CSMD1: variants seen among roughly 807,000 people sequenced by gnomAD.
The protein encoded by CSMD1 is CUB and sushi domain-containing protein 1.
CSMD1 carries 213 observed loss-of-function variants against 417.5 expected under a neutral mutation model. That is an observed-to-expected ratio of 0.51 (90% CI 0.46 to 0.57). The LOEUF is 0.57. CSMD1 is among the 20% of genes least tolerant of loss of function. CSMD1 has a pLI of 0.00. For synonymous variants in CSMD1, 2,862 were observed against 1,736.8 expected (o/e 1.65, Z -16.11); for missense variants, 6,923 against 4,529.7 (o/e 1.53, Z -15.17).
chr8:4,808,036 C>T (rs532045749), intron 1 of CSMD1, among the ~76,000 whole-genome samples: 1 of 152,278 alleles, frequency 6.6e-6, no homozygotes, highest in East Asian at 1.9e-4. Flanking sequence ...ATAGATAGCA[C>T]ATCTGGTTGA....
chr8:3,237,309 T>A (rs148954900), intron 26 of CSMD1, among the ~76,000 whole-genome samples: 97 of 151,614 alleles, frequency 6.4e-4, no homozygotes, highest in African/African-American at 2.2e-3. Flanking sequence ...GTACTAAAGA[T>A]ACAAAATATT....
rs555761610 is a variant in CSMD1, at chr8:4,651,964, G to A, written c.86-14406C>T. On this transcript the variant is annotated intron_variant, in intron 1 of 69. Coordinates refer to ENST00000635120, the MANE Select transcript of CSMD1 (RefSeq NM_033225.6). ...GGAGAACTTTAACTCAATCCTCTGG[G>A]TCTAGCTCCCTAAGTATAATGAAAG... is the stretch of plus-strand genomic sequence containing the variant. Among the ~76,000 whole-genome samples the A allele has an allele frequency of 3.3e-5, 5 of 152,222 alleles. No individual in the cohort carries two copies. In the South Asian group the frequency reaches 6.2e-4, roughly 19 times the overall value.
At chr8:3,490,114 G>C (rs990481553) in intron 11 of CSMD1, among the ~76,000 whole-genome samples, 2 of 152,170 alleles carry the variant, frequency 1.3e-5, no homozygotes, top group East Asian at 3.9e-4. Flanking sequence ...GTGATTCTCT[G>C]TGTTCGGTTA....
intron 3 of CSMD1, among the ~76,000 whole-genome samples, chr8:4,319,356 T>C (rs1432066624): frequency 6.6e-6 from 1 of 152,134 alleles, no homozygotes; most frequent in African/African-American, 2.4e-5. Context: ...TCCTTTCCTT[T>C]TGCTGAATGT....
Position 3,616,718 on chromosome 8 carries a change from G to A in CSMD1, c.1089C>T (p.Ser363=), listed in dbSNP as rs576618220. The part of the protein sequence containing the change: ...GIPENGRRAG[S]DFRVGANVQF... ...ACTATTGTATCTCTTACCTGAAGTC[G>A]GAACCTGCTCTTCTACCATTTTCTG... The change falls in exon 8 of 70, where the codon TCC becomes TCT. Residue 363 remains serine (S), a synonymous_variant. Coordinates refer to ENST00000635120, the MANE Select transcript of CSMD1 (RefSeq NM_033225.6). The A allele has an allele frequency of 3.8e-5, 61 of 1,607,932 alleles. No individual in the cohort carries two copies. Among genetic ancestry groups the A allele is most frequent in the South Asian group, 3.2e-4 (29 of 90,846 alleles).
rs1051419952 is a variant in CSMD1 at position 3,308,399 on chromosome 8, G to T, written c.3736C>A (p.Pro1246Thr). 1 of 1,613,710 alleles carries T rather than the reference G, an allele frequency of 6.2e-7. No individual in the cohort carries two copies. The highest frequency in any genetic ancestry group is 2.2e-5 in the East Asian group (1 of 44,852). ...TDTVVLYSCN[P>T]GYAMHGSNTL... is the part of the protein sequence containing the mutation. ...TTGCTGCCATGCATGGCGTACCCCGGGTTGCAACTGTACAGAACTACAGTG... is the reference window on the plus strand; with the variant it reads ...TTGCTGCCATGCATGGCGTACCCCGTGTTGCAACTGTACAGAACTACAGTG... The change falls in exon 24 of 70, where the codon CCG becomes ACG. Residue 1246 changes from proline to threonine, a missense_variant. Physicochemically the swap from Pro to Thr is conservative, Grantham distance 38. Transcript: ENST00000635120.
chr8:4,402,926 TCTC>T (rs1431249243), intron 3 of CSMD1, among the ~76,000 whole-genome samples: 1 of 150,230 alleles, frequency 6.7e-6, no homozygotes, highest in Non-Finnish European at 1.5e-5. Context: ...TTCATGCCAT[TCTC>T]CTGTCTTAGC....
At chr8:4,142,218 C>T (rs1803833673) in intron 3 of CSMD1, among the ~76,000 whole-genome samples, 1 of 151,054 alleles carries the variant, frequency 6.6e-6, no homozygotes, top group Non-Finnish European at 1.5e-5. Flanking sequence ...TTATATTTAG[C>T]CAAATTATAG....
intron 5 of CSMD1, among the ~76,000 whole-genome samples, chr8:3,825,994 T>C (rs1188855144): frequency 1.3e-5 from 2 of 152,234 alleles, no homozygotes; most frequent in South Asian, 2.1e-4. Flanking sequence ...TCGTATTCTT[T>C]ATCACTTTAT....
At chr8:3,511,762 AATAACATAACATAACATAAC>A (rs200325169) in intron 10 of CSMD1, among the ~76,000 whole-genome samples, 5,538 of 138,328 alleles carry the variant, frequency 0.04, 137 homozygotes, top group Middle Eastern at 0.079. Context: ...TCTCTAAAAA[AATAACATAACATAACATAAC>A]ATAACATAAC....
chr8:3,345,162 T>C (rs1807907321), intron 22 of CSMD1, among the ~76,000 whole-genome samples: 1 of 152,212 alleles, frequency 6.6e-6, no homozygotes, highest in Non-Finnish European at 1.5e-5. Context: ...TGCTGGGTCC[T>C]GACACACTGT....
chr8:4,057,650 G>A (rs1798765365), intron 3 of CSMD1, among the ~76,000 whole-genome samples: 1 of 150,436 alleles, frequency 6.6e-6, no homozygotes, highest in Non-Finnish European at 1.5e-5. Flanking sequence ...TTTCTTCTAG[G>A]GTTTTTATAG....
rs180784505 is a variant in CSMD1 at position 4,233,237 on chromosome 8, C to G, written c.415+186716G>C. 8.5e-5 allele frequency among the ~76,000 whole-genome samples: 13 copies of G among 152,290 alleles called. No individual in the cohort carries two copies. The East Asian group carries it at 1.7e-3, about 20-fold the overall frequency. On this transcript the variant is annotated intron_variant, in intron 3 of 69. Coordinates refer to ENST00000635120, the MANE Select transcript of CSMD1 (RefSeq NM_033225.6). Reference sequence around the variant, plus strand: ...TTTCTTTTTCTTTTTGAAGTTAACACTGTTGTGACAGGGAAGATCAGCTTC... The same window carrying G: ...TTTCTTTTTCTTTTTGAAGTTAACAGTGTTGTGACAGGGAAGATCAGCTTC...
Position 4,095,321 on chromosome 8 carries a change from T to C in CSMD1, c.416-63222A>G, listed in dbSNP as rs1800946775. 2.6e-5 allele frequency among the ~76,000 whole-genome samples: 4 copies of C among 152,170 alleles called. No homozygotes were observed. The East Asian group carries it at 5.8e-4, about 22-fold the overall frequency. ...AATTCTGTTATTACCTGATATAACATTTGCCACATTAGCAGCTTCCTGCAT... is the reference window on the plus strand; with the variant it reads ...AATTCTGTTATTACCTGATATAACACTTGCCACATTAGCAGCTTCCTGCAT... On this transcript the variant is annotated intron_variant, in intron 3 of 69. Coordinates refer to ENST00000635120, the MANE Select transcript of CSMD1 (RefSeq NM_033225.6).
At chr8:3,375,845 C>T (rs890243015) in intron 18 of CSMD1, among the ~76,000 whole-genome samples, 3 of 152,150 alleles carry the variant, frequency 2.0e-5, no homozygotes, top group Middle Eastern at 3.2e-3. Flanking sequence ...GATTCACACC[C>T]CTCAATCCTC....
At chr8:3,067,409 T>C (rs546113009) in intron 49 of CSMD1, among the ~76,000 whole-genome samples, 16 of 152,254 alleles carry the variant, frequency 1.1e-4, no homozygotes, top group Admixed American at 9.8e-4. Flanking sequence ...CATGCTTCTT[T>C]CAAGTTGGAG....
Position 4,274,998 on chromosome 8 carries a change from G to A in CSMD1, c.415+144955C>T, listed in dbSNP as rs777114332. ...GCAGAGTGTGTGGTATAGAATGACA[G>A]GTATAAATAGTTAATACATTTTTCC... On this transcript the variant is annotated intron_variant, in intron 3 of 69. Coordinates refer to ENST00000635120, the MANE Select transcript of CSMD1 (RefSeq NM_033225.6). Among the ~76,000 whole-genome samples, 10 of 152,170 alleles carry A rather than the reference G, an allele frequency of 6.6e-5. No homozygotes were observed. In the South Asian group the frequency reaches 1.2e-3, roughly 19 times the overall value.
intron 50 of CSMD1, among the ~76,000 whole-genome samples, chr8:3,047,549 C>T: frequency 6.6e-6 from 1 of 152,284 alleles, no homozygotes; most frequent in Non-Finnish European, 1.5e-5. Flanking sequence ...ATGTCTCTGC[C>T]TCGCTGTGCC....
At chr8:3,524,254 TAC>T (rs970329685) in intron 10 of CSMD1, among the ~76,000 whole-genome samples, 4 of 128,772 alleles carry the variant, frequency 3.1e-5, no homozygotes, top group Non-Finnish European at 6.6e-5. Context: ...CCCAGAGACA[TAC>T]ACACAAGCAC....
Sources: allele counts gnomAD v4.1 joint callset (sites outside exome capture counted in the v4.1 genomes callset), GRCh38; gene constraint gnomAD v4.1.1; transcripts MANE v1.5; gene names NCBI Gene and HGNC (gene_info 2026-07-23, HGNC 2026-07-21).